The following TMC1 variants were observed in gnomAD, a reference collection of about 807,000 sequenced individuals.
The protein encoded by TMC1 is transmembrane channel like 1.
Under a neutral mutation model 105.8 loss-of-function variants are expected in TMC1, and 84 were observed. The observed-to-expected ratio is 0.79, with a 90% CI of 0.67 to 0.95. TMC1 has a LOEUF of 0.95. Among genes scored for constraint, TMC1 ranks in the 40% least tolerant of loss-of-function variants. The probability of loss-of-function intolerance (pLI) is 0.00; values close to 1 mark genes in which losing one functional copy is unlikely to be tolerated. For synonymous variants in TMC1, 315 were observed against 311.5 expected, an observed-to-expected ratio of 1.01 and a Z score of -0.12; for missense variants, 817 against 914.1, an observed-to-expected ratio of 0.89 and a Z score of 1.37.
rs1829144600 is a variant in TMC1, at chr9:72,837,528, T to C, written c.*1555T>C. Reference sequence around the variant, plus strand: ...TTCTAATGTTCTATAATTTTTTTCTTTGCTTTTTTTGTTAAGGTCAGGAAA... The same window carrying C: ...TTCTAATGTTCTATAATTTTTTTCTCTGCTTTTTTTGTTAAGGTCAGGAAA... On this transcript the variant is annotated 3_prime_UTR_variant, in exon 24 of 24. Coordinates refer to ENST00000297784, the MANE Select transcript of TMC1 (RefSeq NM_138691.3). The C allele has an allele frequency of 6.6e-6, 1 of 152,220 alleles. No individual in the cohort carries two copies. Among genetic ancestry groups the C allele is most frequent in the African/African-American group, 2.4e-5 (1 of 41,456 alleles). 9.4% of individuals were successfully genotyped at this position (152,220 alleles called of 1,614,324 possible).
At chr9:72,581,553 T>G (rs1346026481) in intron 2 of TMC1, among the ~76,000 whole-genome samples, 1 of 152,216 alleles carries the variant, frequency 6.6e-6, no homozygotes, top group African/African-American at 2.4e-5. Context: ...GTTTTATTAC[T>G]AAAAGAAGAA....
At chr9:72,771,700 G>A (rs933705195) in intron 12 of TMC1, among the ~76,000 whole-genome samples, 5 of 152,194 alleles carry the variant, frequency 3.3e-5, no homozygotes, top group Non-Finnish European at 7.3e-5. Flanking sequence ...ATGTGAGGAA[G>A]AGAAAAGGTG....
At chr9:72,672,899 AAGC>A (rs1826146754) in intron 5 of TMC1, among the ~76,000 whole-genome samples, 1 of 147,950 alleles carries the variant, frequency 6.8e-6, no homozygotes, top group Non-Finnish European at 1.5e-5. Context: ...CATCAGCTAA[AAGC>A]AGCAGAATAC....
intron 1 of TMC1, among the ~76,000 whole-genome samples, chr9:72,546,448 T>C (rs1178457807): frequency 6.6e-6 from 1 of 152,222 alleles, no homozygotes; most frequent in Non-Finnish European, 1.5e-5. Context: ...ATTGAAGTGA[T>C]TGAGGGATTC....
chr9:72,834,099 C>T (rs1829083125), intron 23 of TMC1, among the ~76,000 whole-genome samples: 1 of 151,070 alleles, frequency 6.6e-6, no homozygotes, highest in South Asian at 2.1e-4. Flanking sequence ...TTTGCTTTAC[C>T]TATGAACATT....
chr9:72,810,801 AATT>A (rs1191472766), intron 18 of TMC1, among the ~76,000 whole-genome samples: 2 of 152,150 alleles, frequency 1.3e-5, no homozygotes, highest in South Asian at 4.1e-4. Context: ...TGAACTGTCT[AATT>A]ATTCTTATGA....
intron 17 of TMC1, among the ~76,000 whole-genome samples, chr9:72,798,875 C>T (rs1215553113): frequency 6.6e-6 from 1 of 151,562 alleles, no homozygotes; most frequent in African/African-American, 2.4e-5. Flanking sequence ...GGAGCACACA[C>T]TAAGAAATTT....
intron 21 of TMC1, among the ~76,000 whole-genome samples, chr9:72,829,710 G>A (rs1398400575): frequency 6.6e-6 from 1 of 152,116 alleles, no homozygotes; most frequent in Non-Finnish European, 1.5e-5. Context: ...GAGGAAATGT[G>A]TTCAATATCC....
intron 8 of TMC1, among the ~76,000 whole-genome samples, chr9:72,720,672 T>C (rs1402208379): frequency 6.6e-6 from 1 of 152,212 alleles, no homozygotes; most frequent in African/African-American, 2.4e-5. Context: ...TCTGCATTTC[T>C]TGGACAGAGC....
At chr9:72,761,785 G>C (rs1215887715) in intron 12 of TMC1, among the ~76,000 whole-genome samples, 2 of 152,146 alleles carry the variant, frequency 1.3e-5, no homozygotes, top group East Asian at 1.9e-4. Context: ...CAAAGTAAAG[G>C]TGTCTTCTCT....
At chr9:72,830,429 A>ATT in intron 21 of TMC1, 22 bp from the exon 22 acceptor site, 1 of 1,557,870 alleles carries the variant, frequency 6.4e-7, no homozygotes, top group Non-Finnish European at 8.8e-7. Flanking sequence ...CTTACACTGT[A>ATT]TTTTTTTTCT....
intron 7 of TMC1, among the ~76,000 whole-genome samples, chr9:72,697,831 A>C (rs1304236159): frequency 6.6e-6 from 1 of 152,128 alleles, no homozygotes; most frequent in Non-Finnish European, 1.5e-5. Context: ...TTAATCATAA[A>C]GATTTTTTCT....
intron 1 of TMC1, among the ~76,000 whole-genome samples, chr9:72,573,414 C>T (rs1460348045): frequency 6.6e-6 from 1 of 152,170 alleles, no homozygotes; most frequent in Non-Finnish European, 1.5e-5. Flanking sequence ...CCTCAAAATC[C>T]ACCACCCACT....
chr9:72,778,367 G>A (rs769275360), intron 13 of TMC1, among the ~76,000 whole-genome samples: 10 of 152,172 alleles, frequency 6.6e-5, no homozygotes, highest in Non-Finnish European at 1.2e-4. Flanking sequence ...GGAATGCTAT[G>A]CTCAGGAATG....
chr9:72,711,886 G>A (rs1588044625), intron 8 of TMC1, among the ~76,000 whole-genome samples: 1 of 152,134 alleles, frequency 6.6e-6, no homozygotes, highest in Admixed American at 6.6e-5. Context: ...TTCTTCTAGG[G>A]TTTTTACGGT....
chr9:72,837,827 C>T lies in TMC1; in HGVS notation c.*1854C>T, dbSNP rs1239804881. The T allele has an allele frequency of 1.3e-5, 2 of 152,140 alleles. No homozygotes were observed. The highest frequency in any genetic ancestry group is 1.3e-4 in the Admixed American group (2 of 15,280). 9.4% of individuals were successfully genotyped at this position (152,140 alleles called of 1,614,324 possible). On this transcript the variant is annotated 3_prime_UTR_variant, in exon 24 of 24. Transcript: ENST00000297784. The stretch of plus-strand genomic sequence containing the variant: ...AGCCATAGAATAATCGCACTGTTTC[C>T]CTGCCAGTTCTAAACTTTATTCCTC...
At chr9:72,826,498 A>G (rs1421076401) in intron 20 of TMC1, among the ~76,000 whole-genome samples, 1 of 152,240 alleles carries the variant, frequency 6.6e-6, no homozygotes, top group African/African-American at 2.4e-5. Flanking sequence ...AAGGCTAATT[A>G]AAAATACTTA....
chr9:72,772,873 A>G lies in TMC1; in HGVS notation c.884+318A>G, dbSNP rs74782211. On this transcript the variant is annotated intron_variant, in intron 13 of 23. Coordinates refer to ENST00000297784, the MANE Select transcript of TMC1 (RefSeq NM_138691.3). ...GAATTAATGTTGCCAGCAAGACAGG[A>G]AAACAGCTGCTGGTCTCTCTTTTGC... is the stretch of plus-strand genomic sequence containing the variant. 0.019 allele frequency among the ~76,000 whole-genome samples: 2,962 copies of G among 152,262 alleles called. 79 individuals are homozygous for G. The highest frequency in any genetic ancestry group is 0.067 in the African/African-American group (2,775 of 41,544).
At chr9:72,776,226 A>G (rs1036067971) in intron 13 of TMC1, among the ~76,000 whole-genome samples, 9 of 151,894 alleles carry the variant, frequency 5.9e-5, no homozygotes, top group African/African-American at 2.2e-4. Flanking sequence ...TTGTCTACAT[A>G]GACTATAATA....
Sources: allele counts gnomAD v4.1 joint callset (sites outside exome capture counted in the v4.1 genomes callset), GRCh38; gene constraint gnomAD v4.1.1; transcripts MANE v1.5; gene names NCBI Gene and HGNC (gene_info 2026-07-23, HGNC 2026-07-21).